Variants in PDCD1LG2 observed in about 807,000 individuals in gnomAD.
PDCD1LG2 encodes the protein programmed cell death 1 ligand 2.
A neutral mutation model predicts 28.2 loss-of-function variants in PDCD1LG2; 32 were observed. That is an observed-to-expected ratio of 1.13 (90% CI 0.86 to 1.52). PDCD1LG2 has a LOEUF of 1.52. Among genes scored for constraint, PDCD1LG2 ranks in the 40% most tolerant of loss-of-function variants. PDCD1LG2 has a pLI of 0.00. For synonymous variants in PDCD1LG2, 116 were observed against 120.2 expected, an observed-to-expected ratio of 0.97 and a Z score of 0.23; for missense variants, 385 against 323.8, an observed-to-expected ratio of 1.19 and a Z score of -1.45.
At chr9:5,530,872 A>C (rs1050436907) in intron 2 of PDCD1LG2, among the ~76,000 whole-genome samples, 2 of 152,204 alleles carry the variant, frequency 1.3e-5, no homozygotes, top group Admixed American at 1.3e-4. Flanking sequence ...TGACCTTCTT[A>C]AAATGCAGAT....
chr9:5,528,686 G>A (rs1344513599), intron 2 of PDCD1LG2, among the ~76,000 whole-genome samples: 1 of 152,050 alleles, frequency 6.6e-6, no homozygotes, highest in Non-Finnish European at 1.5e-5. Context: ...GTATACTAAG[G>A]AATTAAACGA....
chr9:5,545,130 T>G (rs1816159259), intron 3 of PDCD1LG2, among the ~76,000 whole-genome samples: 1 of 152,248 alleles, frequency 6.6e-6, no homozygotes, highest in Non-Finnish European at 1.5e-5. Flanking sequence ...TAATTGAGTG[T>G]TTACTACGTT....
intron 1 of PDCD1LG2, among the ~76,000 whole-genome samples, chr9:5,516,057 G>A (rs1448019202): frequency 6.6e-6 from 1 of 151,390 alleles, no homozygotes; most frequent in Non-Finnish European, 1.5e-5. Context: ...GTGTTTGTTT[G>A]TTTTGTTTTT....
chr9:5,559,151 T>C (rs1262473168), intron 5 of PDCD1LG2, among the ~76,000 whole-genome samples: 1 of 152,190 alleles, frequency 6.6e-6, no homozygotes, highest in African/African-American at 2.4e-5. Context: ...AGAGTGGAAA[T>C]AAATCCTCTC....
chr9:5,570,102 C>A lies in PDCD1LG2; in HGVS notation c.*143C>A. ...ATGACCCAGCACTTTAATCTGAAACCTGCAACAAGACTAGCCAACACCTGG... is the reference window on the plus strand; with the variant it reads ...ATGACCCAGCACTTTAATCTGAAACATGCAACAAGACTAGCCAACACCTGG... On this transcript the variant is annotated 3_prime_UTR_variant, in exon 7 of 7. Transcript: ENST00000397747. 1 of 1,039,818 alleles carries A rather than the reference C, an allele frequency of 9.6e-7. No individual in the cohort carries two copies. Among genetic ancestry groups the A allele is most frequent in the Non-Finnish European group, 1.5e-6 (1 of 672,740 alleles). The allele number at this position is 1,039,818 out of a possible 1,614,324, so 64.4% of individuals were successfully genotyped here. A position where few individuals can be genotyped will look rare whatever the true frequency, so the allele number is the denominator to read the frequency against.
Position 5,549,345 on chromosome 9 carries a change from G to T in PDCD1LG2, c.372G>T (p.Arg124Ser). Residue 124 changes from arginine to serine, a missense_variant, in exon 4 of 7, where the codon AGG (arginine) becomes AGT (serine). Physicochemically the swap from Arg to Ser is moderately radical, Grantham distance 110 (BLOSUM62 -1). Transcript: ENST00000397747. ...TTCTCTATTGTCCAGCTTCCTACAG[G>T]AAAATAAACACTCACATCCTAAAGG... ...YLTLKVKASY[R>S]KINTHILKVP... 6.2e-7 allele frequency: 1 copy of T among 1,611,464 alleles called. No individual in the cohort carries two copies. The highest frequency in any genetic ancestry group is 1.1e-5 in the South Asian group (1 of 91,016).
At chr9:5,544,913 T>C (rs1042606974) in intron 3 of PDCD1LG2, among the ~76,000 whole-genome samples, 2 of 152,236 alleles carry the variant, frequency 1.3e-5, no homozygotes, top group African/African-American at 4.8e-5. Context: ...ATCTAGAATA[T>C]AGATTGTGTT....
intron 6 of PDCD1LG2, among the ~76,000 whole-genome samples, chr9:5,563,586 T>C (rs766804516): frequency 3.3e-4 from 50 of 152,124 alleles, no homozygotes; most frequent in Admixed American, 2.6e-4. Context: ...TCAAGAGTAA[T>C]ATGGGAAAAA....
chr9:5,523,873 C>G (rs1297055925), intron 2 of PDCD1LG2, among the ~76,000 whole-genome samples: 1 of 152,098 alleles, frequency 6.6e-6, no homozygotes, highest in East Asian at 1.9e-4. Flanking sequence ...GGTTTTCTGT[C>G]TTTGTTTTTT....
intron 3 of PDCD1LG2, among the ~76,000 whole-genome samples, chr9:5,541,015 A>G (rs1430120377): frequency 6.6e-6 from 1 of 152,216 alleles, no homozygotes; most frequent in African/African-American, 2.4e-5. Context: ...ATAATCCACC[A>G]TGATCAAGTG....
chr9:5,540,260 T>C (rs1820663155), intron 3 of PDCD1LG2, among the ~76,000 whole-genome samples: 1 of 152,162 alleles, frequency 6.6e-6, no homozygotes, highest in Non-Finnish European at 1.5e-5. Context: ...ATTCATAGCA[T>C]TAAATGCCTA....
At chr9:5,535,953 G>C (rs1482424282) in intron 3 of PDCD1LG2, among the ~76,000 whole-genome samples, 2 of 152,224 alleles carry the variant, frequency 1.3e-5, no homozygotes, top group Admixed American at 6.5e-5. Flanking sequence ...CTCCAGGCTT[G>C]AATGCTCTGA....
intron 3 of PDCD1LG2, among the ~76,000 whole-genome samples, chr9:5,542,669 C>A (rs1820708618): frequency 6.6e-6 from 1 of 151,448 alleles, no homozygotes; most frequent in Non-Finnish European, 1.5e-5. Flanking sequence ...ATGGCCATAA[C>A]AAAAAAATAA....
At chr9:5,567,426 AT>A (rs1816687792) in intron 6 of PDCD1LG2, among the ~76,000 whole-genome samples, 1 of 152,158 alleles carries the variant, frequency 6.6e-6, no homozygotes, top group African/African-American at 2.4e-5. Context: ...CTGTGCTACT[AT>A]TTGGGCCTAG....
chr9:5,515,525 A>G (rs1028296633), intron 1 of PDCD1LG2, among the ~76,000 whole-genome samples: 1 of 152,178 alleles, frequency 6.6e-6, no homozygotes, highest in African/African-American at 2.4e-5. Flanking sequence ...AGGAGACCCA[A>G]AGTGGGTAGC....
At chr9:5,530,554 C>T (rs1365488059) in intron 2 of PDCD1LG2, among the ~76,000 whole-genome samples, 1 of 151,524 alleles carries the variant, frequency 6.6e-6, no homozygotes, top group African/African-American at 2.4e-5. Flanking sequence ...TCATTGGTAG[C>T]ACAGAAATAA....
chr9:5,553,567 A>G (rs1055516190), intron 4 of PDCD1LG2, among the ~76,000 whole-genome samples: 2 of 152,174 alleles, frequency 1.3e-5, no homozygotes, highest in African/African-American at 4.8e-5. Flanking sequence ...TCAGTGTTCT[A>G]TTCTGCATGG....
intron 2 of PDCD1LG2, among the ~76,000 whole-genome samples, chr9:5,533,867 T>G (rs1275023134): frequency 6.6e-6 from 1 of 151,360 alleles, no homozygotes; most frequent in Non-Finnish European, 1.5e-5. Context: ...CACGGTCATG[T>G]TTTCAGTATT....
chr9:5,557,276 G>C (rs1816462934), intron 4 of PDCD1LG2, among the ~76,000 whole-genome samples: 1 of 152,070 alleles, frequency 6.6e-6, no homozygotes, highest in South Asian at 2.1e-4. Flanking sequence ...TTGATGGATG[G>C]ATGGAAAAAA....
Sources: gnomAD v4.1 joint callset for allele counts (sites outside exome capture counted in the v4.1 genomes callset) on GRCh38, gnomAD v4.1.1 for gene constraint, MANE v1.5 for transcripts, NCBI Gene and HGNC (gene_info 2026-07-23, HGNC 2026-07-21) for gene names.